The following PXT1 variants were observed in gnomAD, a reference collection of about 807,000 sequenced individuals.
The protein encoded by PXT1 is peroxisomal testis enriched protein 1, also known as peroxisomal testis-specific protein 1.
PXT1 carries 11 observed loss-of-function variants against 11.0 expected under a neutral mutation model. That is an observed-to-expected ratio of 1.00 (90% CI 0.63 to 1.66). PXT1 has a LOEUF of 1.66. PXT1 is among the 40% of genes most tolerant of loss of function. The pLI, the probability that PXT1 is intolerant of heterozygous loss-of-function variation, is 0.00. For missense variants in PXT1, 141 were observed against 155.5 expected (o/e 0.91, Z 0.49); for synonymous variants, 43 against 51.4 (o/e 0.84, Z 0.70).
rs943234901 is a variant in PXT1 at position 36,406,231 on chromosome 6, T to C, written c.170-5647A>G. Among the ~76,000 whole-genome samples, 2 of 152,174 alleles carry C rather than the reference T, an allele frequency of 1.3e-5. 1 individual carries two copies. The highest frequency in any genetic ancestry group is 4.8e-5 in the African/African-American group (2 of 41,444). On this transcript the variant is annotated intron_variant, in intron 3 of 4. Transcript: ENST00000454782. ...CACCACAACCTCAGGCCAAAGTGGA[T>C]TGGATCAGAGGTGGACACTTGACCC...
At position 36,391,276 on chromosome 6, in the gene PXT1, G is replaced by C. The variant is rs189769877; in HGVS notation, c.*494C>G. 6.4e-6 allele frequency: 1 copy of C among 155,922 alleles called. No homozygotes were observed. Among genetic ancestry groups the C allele is most frequent in the African/African-American group, 2.4e-5 (1 of 41,434 alleles). The allele number at this position is 155,922 out of a possible 1,614,324, so 9.7% of individuals were successfully genotyped here. A position where few individuals can be genotyped will look rare whatever the true frequency, so the allele number is the denominator to read the frequency against. On this transcript the variant is annotated 3_prime_UTR_variant, in exon 5 of 5. Coordinates refer to ENST00000454782, the MANE Select transcript of PXT1 (RefSeq NM_152990.4). ...GGGTTGGAGCCAGGATTGGGGCAGGGAGGTGACATGTCACCGAGAAGGAGA... is the reference window on the plus strand; with the variant it reads ...GGGTTGGAGCCAGGATTGGGGCAGGCAGGTGACATGTCACCGAGAAGGAGA...
intron 2 of PXT1, among the ~76,000 whole-genome samples, chr6:36,429,358 T>G (rs973081903): frequency 8.2e-6 from 1 of 121,424 alleles, no homozygotes; most frequent in Admixed American, 8.6e-5. Flanking sequence ...TCAGAATTCA[T>G]GAAAGCATGA....
chr6:36,427,891 G>A (rs566742), intron 2 of PXT1, among the ~76,000 whole-genome samples: 65,386 of 151,884 alleles, frequency 0.43, 15,524 homozygotes, highest in African/African-American at 0.61. Flanking sequence ...GTGACTCATC[G>A]TTTTTCAAAT....
chr6:36,398,214 G>C (rs1561924576), intron 4 of PXT1, among the ~76,000 whole-genome samples: 1 of 152,128 alleles, frequency 6.6e-6, no homozygotes, highest in Non-Finnish European at 1.5e-5. Context: ...CAAAAAGATA[G>C]TTAATAACAA....
intron 4 of PXT1, among the ~76,000 whole-genome samples, chr6:36,397,336 G>A (rs1774157920): frequency 6.6e-6 from 1 of 152,160 alleles, no homozygotes; most frequent in African/African-American, 2.4e-5. Flanking sequence ...AGCTACTTAG[G>A]AGGTTGAGGT....
At chr6:36,404,160 G>A (rs1438127581) in intron 3 of PXT1, among the ~76,000 whole-genome samples, 3 of 152,162 alleles carry the variant, frequency 2.0e-5, no homozygotes, top group Non-Finnish European at 4.4e-5. Context: ...ATGATGTCAG[G>A]AAAGGCATAT....
chr6:36,426,274 T>C (rs1015676882), intron 2 of PXT1, among the ~76,000 whole-genome samples, 183 bp from the exon 3 acceptor site: 2 of 152,048 alleles, frequency 1.3e-5, no homozygotes, highest in African/African-American at 4.8e-5. Flanking sequence ...GTTAAACATC[T>C]TTCTAGGCTG....
chr6:36,439,047 T>C (rs560660024), intron 1 of PXT1, among the ~76,000 whole-genome samples, 161 bp from the exon 2 acceptor site: 1 of 151,654 alleles, frequency 6.6e-6, no homozygotes, highest in Admixed American at 6.6e-5. Context: ...ATCGCCCAGG[T>C]TGGAGCAGTG....
chr6:36,428,344 C>A (rs1774637987), intron 2 of PXT1, among the ~76,000 whole-genome samples: 1 of 147,616 alleles, frequency 6.8e-6, no homozygotes, highest in Admixed American at 7.1e-5. Context: ...ACTCGGGAGG[C>A]TGAGGCAGGA....
At chr6:36,425,819 T>A (rs1384749071) in intron 3 of PXT1, 95 bp downstream of exon 3, 60 of 381,628 alleles carry the variant, frequency 1.6e-4, no homozygotes, top group East Asian at 3.9e-4. Context: ...TATATATATA[T>A]ATATATATAT....
intron 3 of PXT1, among the ~76,000 whole-genome samples, chr6:36,402,798 C>A (rs1774232037): frequency 6.6e-6 from 1 of 152,192 alleles, no homozygotes; most frequent in South Asian, 2.1e-4. Flanking sequence ...GAGGCTTGAA[C>A]TTTATCCAGT....
intron 3 of PXT1, among the ~76,000 whole-genome samples, chr6:36,424,012 A>AGG (rs2127416080): frequency 6.6e-6 from 1 of 152,322 alleles, no homozygotes; most frequent in South Asian, 2.1e-4. Context: ...TTGAAGTGAA[A>AGG]CTGTAATTAG....
chr6:36,425,925 G>A lies in PXT1; in HGVS notation c.158C>T (p.Ser53Leu). ...TCCAAATATCTTACCTGGGTTCCTT[G>A]ACATGGCTGGAACTGGCTGGGAGCT... ...LVSSQPVPAM[S>L]RNPDHNLLSQ... The change falls in exon 3 of 5, where the codon TCA (serine) becomes TTA (leucine). Residue 53 changes from serine (S) to leucine (L), a missense_variant. Transcript: ENST00000454782. The A allele has an allele frequency of 6.5e-7, 1 of 1,533,862 alleles. No homozygotes were observed. The highest frequency in any genetic ancestry group is 8.7e-7 in the Non-Finnish European group (1 of 1,145,790).
intron 2 of PXT1, among the ~76,000 whole-genome samples, chr6:36,438,506 C>A (rs1295903998): frequency 2.0e-5 from 3 of 152,160 alleles, no homozygotes; most frequent in Non-Finnish European, 4.4e-5. Flanking sequence ...TAACTGCAAG[C>A]TCCGCCTCCT....
chr6:36,402,914 GTATTTTTCTTTT>G (rs978486199), intron 3 of PXT1, among the ~76,000 whole-genome samples: 1 of 151,208 alleles, frequency 6.6e-6, no homozygotes, highest in South Asian at 2.1e-4. Flanking sequence ...CCAAGCATCA[GTATTTTTCTTTT>G]TATTTTTCTT....
intron 4 of PXT1, among the ~76,000 whole-genome samples, chr6:36,399,047 G>C (rs1407853677): frequency 2.6e-5 from 4 of 151,996 alleles, no homozygotes; most frequent in African/African-American, 9.7e-5. Context: ...AATGAAATTG[G>C]CTTATCAAAT....
chr6:36,438,596 G>C (rs1049052036), intron 2 of PXT1, among the ~76,000 whole-genome samples, 171 bp downstream of exon 2: 1 of 152,056 alleles, frequency 6.6e-6, no homozygotes, highest in Non-Finnish European at 1.5e-5. Flanking sequence ...CTAATTGTTT[G>C]TATTTTTAGT....
intron 3 of PXT1, among the ~76,000 whole-genome samples, chr6:36,404,853 G>A (rs2127411629): frequency 6.6e-6 from 1 of 152,242 alleles, no homozygotes; most frequent in South Asian, 2.1e-4. Flanking sequence ...AGCTACTAAG[G>A]AGGCCGAGGC....
intron 3 of PXT1, among the ~76,000 whole-genome samples, chr6:36,416,547 A>G (rs1360580613): frequency 1.3e-5 from 2 of 152,202 alleles, no homozygotes; most frequent in Non-Finnish European, 2.9e-5. Context: ...AAATGGTTCA[A>G]GTTCTGTCTC....
Sources: allele counts gnomAD v4.1 joint callset (sites outside exome capture counted in the v4.1 genomes callset), GRCh38; gene constraint gnomAD v4.1.1; transcripts MANE v1.5; gene names NCBI Gene and HGNC (gene_info 2026-07-23, HGNC 2026-07-21).